Variants in ATP10A observed in about 807,000 individuals in gnomAD.
ATP10A encodes ATPase phospholipid transporting 10A (putative), also known as phospholipid-transporting ATPase VA.
In ATP10A, 111 loss-of-function variants were observed where a neutral mutation model predicts 147.8. The ratio of observed to expected loss-of-function variants is 0.75; its 90% CI spans 0.64 to 0.88. The LOEUF (loss-of-function observed/expected upper bound fraction) is 0.88, where lower values mean the gene tolerates loss of function less well. ATP10A is among the 40% of genes least tolerant of loss of function. ATP10A has a pLI of 0.00. For synonymous variants in ATP10A, 875 were observed against 841.6 expected (o/e 1.04, Z -0.69); for missense variants, 1,927 against 1,959.0 (o/e 0.98, Z 0.31).
At chr15:25,691,446 C>T (rs1900030684) in intron 15 of ATP10A, among the ~76,000 whole-genome samples, 1 of 152,230 alleles carries the variant, frequency 6.6e-6, no homozygotes, top group Non-Finnish European at 1.5e-5. Context: ...CTCACCTTGC[C>T]TCTCTCTGAA....
In ATP10A at chr15:25,724,468, A is replaced by G. The variant is rs910837550; in HGVS notation, c.980-447T>C. Among the ~76,000 whole-genome samples the G allele has an allele frequency of 9.2e-5, 14 of 152,296 alleles. 1 individual carries two copies. Among genetic ancestry groups the G allele is most frequent in the Admixed American group, 8.5e-4 (13 of 15,306 alleles). ...ACATATGGGAGGCTCTGGGAAGCCA[A>G]CAGTAGTGCACATTGCCTAATCCAC... On this transcript the variant is annotated intron_variant, in intron 5 of 20. Coordinates refer to ENST00000555815, the MANE Select transcript of ATP10A (RefSeq NM_024490.4).
Position 25,852,168 on chromosome 15 carries a change from T to C in ATP10A, c.449+10480A>G, listed in dbSNP as rs562384166. On this transcript the variant is annotated intron_variant, in intron 1 of 20. Coordinates refer to ENST00000555815, the MANE Select transcript of ATP10A (RefSeq NM_024490.4). ...TCCTCCCTCCTATTGAATGCCACCCTCCTTCCAATTTAATGTTATCCTCTC... is the reference window on the plus strand; with the variant it reads ...TCCTCCCTCCTATTGAATGCCACCCCCCTTCCAATTTAATGTTATCCTCTC... Among the ~76,000 whole-genome samples, 12 of 151,936 alleles carry C rather than the reference T, an allele frequency of 7.9e-5. No homozygotes were observed. In the East Asian group the frequency reaches 2.3e-3, roughly 30 times the overall value.
chr15:25,835,684 G>T (rs181818399), intron 1 of ATP10A, among the ~76,000 whole-genome samples: 250 of 152,308 alleles, frequency 1.6e-3, no homozygotes, highest in African/African-American at 5.6e-3. Context: ...CCAGGCTGGA[G>T]TGCAGTGGTA....
intron 7 of ATP10A, among the ~76,000 whole-genome samples, chr15:25,719,243 G>C (rs1447401169): frequency 6.6e-6 from 1 of 152,176 alleles, no homozygotes; most frequent in Non-Finnish European, 1.5e-5. Flanking sequence ...CGGAGAAGGA[G>C]ATACTTATGG....
At position 25,712,804 on chromosome 15, in the gene ATP10A, G is replaced by A. The variant is rs531424421; in HGVS notation, c.2344+870C>T. Among the ~76,000 whole-genome samples, 6 of 152,232 alleles carry A rather than the reference G, an allele frequency of 3.9e-5. No homozygotes were observed. The East Asian group carries it at 1.2e-3, about 30-fold the overall frequency. ...GATTTAGCTCAGCTGCCTTTTGGAG[G>A]TCACAGCTCTGTGATGGGGACATGG... On this transcript the variant is annotated intron_variant, in intron 10 of 20. Coordinates refer to ENST00000555815, the MANE Select transcript of ATP10A (RefSeq NM_024490.4).
chr15:25,736,047 G>A lies in ATP10A; in HGVS notation c.740+9C>T, dbSNP rs762544414. 1.8e-5 allele frequency: 29 copies of A among 1,609,178 alleles called. No homozygotes were observed. Among genetic ancestry groups the A allele is most frequent in the South Asian group, 6.6e-5 (6 of 90,996 alleles). ...GAAGGATGCGCGCAGGCAGACACACGATACTCACATGCAGCCGCGAAACCT... is the reference window on the plus strand; with the variant it reads ...GAAGGATGCGCGCAGGCAGACACACAATACTCACATGCAGCCGCGAAACCT... On this transcript the variant is annotated intron_variant, in intron 3 of 20. Coordinates refer to ENST00000555815, the MANE Select transcript of ATP10A (RefSeq NM_024490.4).
intron 1 of ATP10A, among the ~76,000 whole-genome samples, chr15:25,819,688 A>G (rs1289591097): frequency 1.3e-5 from 2 of 152,342 alleles, no homozygotes; most frequent in Non-Finnish European, 2.9e-5. Context: ...AGTGTCCATC[A>G]AAGGATAACT....
At chr15:25,737,758 A>C (rs1484225647) in intron 2 of ATP10A, among the ~76,000 whole-genome samples, 1 of 152,186 alleles carries the variant, frequency 6.6e-6, no homozygotes, top group Non-Finnish European at 1.5e-5. Context: ...GAAGTCTTTA[A>C]AGAGGTAACT....
intron 1 of ATP10A, among the ~76,000 whole-genome samples, chr15:25,784,359 T>A (rs562767730): frequency 5.1e-4 from 77 of 152,322 alleles, no homozygotes; most frequent in African/African-American, 1.7e-3. Flanking sequence ...TCAGTTTATG[T>A]TAACTACATT....
chr15:25,797,351 A>G (rs1032264671), intron 1 of ATP10A, among the ~76,000 whole-genome samples: 1 of 152,216 alleles, frequency 6.6e-6, no homozygotes, highest in African/African-American at 2.4e-5. Context: ...CTTTGTGAAT[A>G]AGGACTCCTC....
intron 1 of ATP10A, among the ~76,000 whole-genome samples, chr15:25,847,619 T>C (rs941390194): frequency 7.7e-5 from 6 of 77,654 alleles, no homozygotes; most frequent in Admixed American, 3.9e-4. Context: ...CTTTTTTTTT[T>C]TTTTTTTTTT....
chr15:25,699,238 T>C (rs1162963278), intron 13 of ATP10A, among the ~76,000 whole-genome samples: 1 of 152,226 alleles, frequency 6.6e-6, no homozygotes, highest in Non-Finnish European at 1.5e-5. Context: ...ATACACGTCG[T>C]ATTGGTGAAG....
intron 7 of ATP10A, 111 bp downstream of exon 7, chr15:25,721,546 G>T: frequency 1.1e-5 from 1 of 89,540 alleles, no homozygotes; most frequent in Non-Finnish European, 1.5e-5. Flanking sequence ...CCTGAAGCGT[G>T]TGTGTGTGTG....
At chr15:25,748,227 G>C (rs1432233445) in intron 2 of ATP10A, among the ~76,000 whole-genome samples, 3 of 152,176 alleles carry the variant, frequency 2.0e-5, no homozygotes, top group Non-Finnish European at 4.4e-5. Flanking sequence ...CTCCCAAAGT[G>C]CTGGGATTAC....
intron 17 of ATP10A, among the ~76,000 whole-genome samples, chr15:25,682,341 T>C (rs1201617468): frequency 1.0e-5 from 1 of 97,958 alleles, no homozygotes. Context: ...AACCTTGATA[T>C]AGATGAATAG....
chr15:25,683,574 G>A (rs1442040812), intron 16 of ATP10A, 88 bp from the exon 17 acceptor site: 20 of 1,264,412 alleles, frequency 1.6e-5, no homozygotes, highest in Non-Finnish European at 1.8e-5. Flanking sequence ...GGCCTGCAGA[G>A]TTTCACAGTC....
intron 2 of ATP10A, among the ~76,000 whole-genome samples, chr15:25,761,360 T>C (rs779036180): frequency 1.3e-5 from 2 of 152,220 alleles, no homozygotes; most frequent in Non-Finnish European, 2.9e-5. Flanking sequence ...AGAGAGTTAA[T>C]TGACTCACAC....
intron 3 of ATP10A, among the ~76,000 whole-genome samples, chr15:25,728,301 G>A (rs374747641): frequency 6.6e-6 from 1 of 152,200 alleles, no homozygotes; most frequent in Non-Finnish European, 1.5e-5. Flanking sequence ...AGGCTGAAAT[G>A]CAAGCTGGGA....
intron 1 of ATP10A, among the ~76,000 whole-genome samples, chr15:25,818,203 C>T (rs1202811201): frequency 1.3e-5 from 2 of 152,014 alleles, no homozygotes; most frequent in African/African-American, 4.8e-5. Context: ...ACTTAAATCC[C>T]ACTAAAGTGA....
Sources: gnomAD v4.1 joint callset for allele counts (sites outside exome capture counted in the v4.1 genomes callset) on GRCh38, gnomAD v4.1.1 for gene constraint, MANE v1.5 for transcripts, NCBI Gene and HGNC (gene_info 2026-07-23, HGNC 2026-07-21) for gene names.